GRM7: variants seen among roughly 807,000 people sequenced by gnomAD.
GRM7 encodes the protein metabotropic glutamate receptor 7.
A neutral mutation model predicts 84.5 loss-of-function variants in GRM7; 35 were observed. The ratio of observed to expected loss-of-function variants is 0.41; its 90% confidence interval spans 0.32 to 0.55. The LOEUF is 0.55. Ranked by LOEUF, GRM7 falls within the 20% of genes least tolerant of loss-of-function variation. GRM7 has a pLI of 0.19. For missense variants in GRM7, 1,003 were observed against 1,194.6 expected (o/e 0.84, Z 2.36); for synonymous variants, 487 against 455.1 (o/e 1.07, Z -0.89).
At chr3:7,722,617 A>C in intron 9 of GRM7, among the ~76,000 whole-genome samples, 1 of 151,860 alleles carries the variant, frequency 6.6e-6, no homozygotes. Context: ...TAAGTTTTGT[A>C]ATTTTAGTAG....
intron 1 of GRM7, among the ~76,000 whole-genome samples, chr3:6,921,187 G>C (rs1697111153): frequency 6.6e-6 from 1 of 152,180 alleles, no homozygotes; most frequent in South Asian, 2.1e-4. Flanking sequence ...AAAAGCTGCC[G>C]AGAGGCAACT....
chr3:7,122,159 CA>C (rs1322593406), intron 1 of GRM7, among the ~76,000 whole-genome samples: 1 of 152,138 alleles, frequency 6.6e-6, no homozygotes. Flanking sequence ...AGACAGTGAC[CA>C]AACCTAAGCT....
chr3:7,390,752 C>A (rs1694958971), intron 4 of GRM7, among the ~76,000 whole-genome samples: 1 of 151,686 alleles, frequency 6.6e-6, no homozygotes, highest in African/African-American at 2.4e-5. Context: ...AATCTTGGAT[C>A]TTTTTCTGTC....
intron 7 of GRM7, among the ~76,000 whole-genome samples, chr3:7,545,698 A>G (rs1256583786): frequency 1.3e-5 from 2 of 152,146 alleles, no homozygotes; most frequent in South Asian, 2.1e-4. Flanking sequence ...ACTTGGGGCA[A>G]GGAGGGTAGT....
At chr3:7,398,240 C>T (rs929460585) in intron 4 of GRM7, among the ~76,000 whole-genome samples, 4 of 152,136 alleles carry the variant, frequency 2.6e-5, no homozygotes, top group Non-Finnish European at 4.4e-5. Context: ...TATTCACTGA[C>T]GGCCTACTAT....
At chr3:7,328,351 G>C (rs571512038) in intron 4 of GRM7, among the ~76,000 whole-genome samples, 2 of 152,118 alleles carry the variant, frequency 1.3e-5, no homozygotes, top group Non-Finnish European at 1.5e-5. Context: ...CTATTGATTT[G>C]TGTGCCCCCA....
At chr3:7,447,261 A>G (rs960014125) in intron 5 of GRM7, among the ~76,000 whole-genome samples, 4 of 152,222 alleles carry the variant, frequency 2.6e-5, no homozygotes, top group African/African-American at 4.8e-5. Context: ...CGTCCTGTTA[A>G]TGAAGAATTA....
intron 2 of GRM7, among the ~76,000 whole-genome samples, chr3:7,171,750 T>C (rs943190193): frequency 3.3e-5 from 5 of 152,148 alleles, no homozygotes; most frequent in African/African-American, 1.2e-4. Flanking sequence ...GAGGCGTGAC[T>C]TGATGAGAAC....
intron 3 of GRM7, among the ~76,000 whole-genome samples, chr3:7,300,974 C>G (rs138968796): frequency 6.6e-6 from 1 of 152,116 alleles, no homozygotes; most frequent in Non-Finnish European, 1.5e-5. Context: ...AATTCCTAAC[C>G]TAATGCTTCA....
chr3:7,612,996 T>A (rs1043446930), intron 8 of GRM7, among the ~76,000 whole-genome samples: 1 of 152,170 alleles, frequency 6.6e-6, no homozygotes, highest in Non-Finnish European at 1.5e-5. Flanking sequence ...AATATGAACA[T>A]ATAATTATCA....
At chr3:7,094,370 A>C (rs73808676) in intron 1 of GRM7, among the ~76,000 whole-genome samples, 2,498 of 152,316 alleles carry the variant, frequency 0.016, 56 homozygotes, top group African/African-American at 0.057. Flanking sequence ...ATATCATTTC[A>C]CATGGGAATT....
intron 7 of GRM7, among the ~76,000 whole-genome samples, chr3:7,466,749 A>G (rs1698474642): frequency 6.6e-6 from 1 of 152,190 alleles, no homozygotes; most frequent in Non-Finnish European, 1.5e-5. Context: ...TCTTTTCTGG[A>G]TAACTGAAGT....
At chr3:6,945,978 G>C (rs1386825395) in intron 1 of GRM7, among the ~76,000 whole-genome samples, 1 of 152,080 alleles carries the variant, frequency 6.6e-6, no homozygotes, top group Non-Finnish European at 1.5e-5. Flanking sequence ...CAGATGAGTA[G>C]GTTGCGAAAA....
At chr3:7,376,348 C>T (rs1347036011) in intron 4 of GRM7, among the ~76,000 whole-genome samples, 1 of 152,150 alleles carries the variant, frequency 6.6e-6, no homozygotes, top group Non-Finnish European at 1.5e-5. Context: ...TGCTATAATC[C>T]TCACACCGAG....
At chr3:7,084,305 A>G (rs1489393163) in intron 1 of GRM7, among the ~76,000 whole-genome samples, 8 of 152,198 alleles carry the variant, frequency 5.3e-5, no homozygotes, top group African/African-American at 1.7e-4. Flanking sequence ...CATGGGCTCT[A>G]TCCTAGACCT....
At chr3:7,019,781 C>T (rs1695711211) in intron 1 of GRM7, among the ~76,000 whole-genome samples, 1 of 152,102 alleles carries the variant, frequency 6.6e-6, no homozygotes, top group African/African-American at 2.4e-5. Context: ...ATAAAATCTC[C>T]CTTTCAACAT....
At position 7,365,647 on chromosome 3, in the gene GRM7, GTA is replaced by G. The variant is rs755999982; in HGVS notation, c.1034-49359_1034-49358del. ...AATATGCATGTGTGTGTGCGTGTGT[GTA>G]TATATATATATATATACACACACGC... On this transcript the variant is annotated intron_variant, in intron 4 of 9. Transcript: ENST00000357716. Among the ~76,000 whole-genome samples, 339 of 129,994 alleles carry G rather than the reference GTA, an allele frequency of 2.6e-3. 5 individuals carry two copies. The highest frequency in any genetic ancestry group is 0.011 in the South Asian group (46 of 4,160). 85.3% of individuals were successfully genotyped at this position (129,994 alleles called of 152,430 possible).
At chr3:7,582,072 C>T (rs183933190) in intron 8 of GRM7, among the ~76,000 whole-genome samples, 71 of 152,244 alleles carry the variant, frequency 4.7e-4, no homozygotes, top group African/African-American at 1.7e-3. Flanking sequence ...CGTAATGATG[C>T]AAGAACACAC....
intron 7 of GRM7, among the ~76,000 whole-genome samples, chr3:7,476,621 C>T (rs1278108753): frequency 2.0e-5 from 3 of 152,144 alleles, no homozygotes; most frequent in Non-Finnish European, 4.4e-5. Flanking sequence ...GCTAGGACTA[C>T]TATTATTGTT....
Sources: allele counts gnomAD v4.1 joint callset (sites outside exome capture counted in the v4.1 genomes callset), GRCh38; gene constraint gnomAD v4.1.1; transcripts MANE v1.5; gene names NCBI Gene and HGNC (gene_info 2026-07-23, HGNC 2026-07-21).